WDR87: variants seen among roughly 807,000 people sequenced by gnomAD.
WDR87 encodes WD repeat domain 87.
Under a neutral mutation model 83.3 loss-of-function variants are expected in WDR87, and 56 were observed. The observed-to-expected ratio is 0.67, with a 90% CI of 0.54 to 0.84. The LOEUF is 0.84. Ranked by LOEUF, WDR87 falls within the 40% of genes least tolerant of loss-of-function variation. The probability of loss-of-function intolerance (pLI) is 0.00; values close to 1 mark genes in which losing one functional copy is unlikely to be tolerated. For synonymous variants in WDR87, 1,173 were observed against 1,250.6 expected (o/e 0.94, Z 1.31); for missense variants, 2,939 against 3,431.9 (o/e 0.86, Z 3.59).
chr19:37,901,729 T>C (rs1246032421), intron 1 of WDR87, among the ~76,000 whole-genome samples: 1 of 152,018 alleles, frequency 6.6e-6, no homozygotes, highest in African/African-American at 2.4e-5. Context: ...GGTTTTTTTT[T>C]TTGAGACAGG....
Position 37,892,916 on chromosome 19 carries a change from C to T in WDR87, c.2787G>A (p.Met929Ile), listed in dbSNP as rs542706698. The change falls in exon 4 of 6, where the codon ATG becomes ATA. Residue 929 changes from methionine to isoleucine, a missense_variant. Met to Ile is a conservative substitution (Grantham distance 10, BLOSUM62 1). Transcript: ENST00000447313. ...NSMIETMLNI[M>I]VHASLLKYQC... ...GGTACTTCAGCAAGGAAGCATGGAC[C>T]ATAATATTGAGCATTGTCTCAATCA... The T allele has an allele frequency of 1.4e-4, 210 of 1,552,040 alleles. 1 individual carries two copies. The African/African-American group carries it at 2.7e-3, about 20-fold the overall frequency.
Position 37,893,727 on chromosome 19 carries a change from C to G in WDR87, c.1976G>C (p.Gly659Ala), listed in dbSNP as rs1421912297. The G allele has an allele frequency of 6.4e-7, 1 of 1,551,444 alleles. No homozygotes were observed. Among genetic ancestry groups the G allele is most frequent in the Non-Finnish European group, 8.7e-7 (1 of 1,147,046 alleles). The change falls in exon 4 of 6, where the codon GGT becomes GCT. Residue 659 changes from glycine (G) to alanine (A), a missense_variant. Coordinates refer to ENST00000447313, the MANE Select transcript of WDR87 (RefSeq NM_001291088.2). ...FGPVCFANDR[G>A]DLLVTFNQSL... The stretch of plus-strand genomic sequence containing the variant: ...CTGGTTAAAAGTCACAAGCAGGTCA[C>G]CCCGGTCATTTGCAAAACAGACTGG...
chr19:37,897,792 G>A (rs2046267701), intron 2 of WDR87, among the ~76,000 whole-genome samples: 1 of 152,132 alleles, frequency 6.6e-6, no homozygotes, highest in African/African-American at 2.4e-5. Context: ...GGCAGCTGAG[G>A]CAGGAGAATT....
chr19:37,893,882 A>G lies in WDR87; in HGVS notation c.1821T>C (p.Cys607=). 1 of 1,551,958 alleles carries G rather than the reference A, an allele frequency of 6.4e-7. No individual in the cohort carries two copies. Among genetic ancestry groups the G allele is most frequent in the Non-Finnish European group, 8.7e-7 (1 of 1,147,046 alleles). Residue 607 remains cysteine (C), a synonymous_variant, in exon 4 of 6, where the codon TGT becomes TGC. Transcript: ENST00000447313. Reference sequence around the variant, plus strand: ...GGCAGACATCAAAGGATGTGATGGCACACAGGTGCAGAGGCAGTGTTTCTA... The same window carrying G: ...GGCAGACATCAAAGGATGTGATGGCGCACAGGTGCAGAGGCAGTGTTTCTA... ...KFIETLPLHL[C]AITSFDVCLS...
Position 37,887,147 on chromosome 19 carries a change from T to G in WDR87, c.6524A>C (p.Glu2175Ala), listed in dbSNP as rs1424982571. ...TCTCTGCTTCCGAGCCAGTTTCTTC[T>G]CATCTTTAGTCAGTTCTGATCGTTT... Reference protein sequence around the residue: ...SEKRSELTKDEKKLARKQRKL... With the variant: ...SEKRSELTKDAKKLARKQRKL... The change falls in exon 6 of 6, where the codon GAG (glutamate) becomes GCG (alanine). Residue 2175 changes from glutamate to alanine, a missense_variant. Glu to Ala is a moderately radical substitution (Grantham distance 107). Transcript: ENST00000447313. 15 of 1,551,254 alleles carry G rather than the reference T, an allele frequency of 9.7e-6. No individual in the cohort carries two copies. Among genetic ancestry groups the G allele is most frequent in the Admixed American group, 3.9e-5 (2 of 50,950 alleles).
At chr19:37,891,969 A>G (rs770301766) in intron 4 of WDR87, 149 bp from the exon 5 acceptor site, 1 of 967,590 alleles carries the variant, frequency 1.0e-6, no homozygotes, top group East Asian at 2.6e-5. Flanking sequence ...GCTGAGACAA[A>G]AGAAACTATC....
In WDR87 at chr19:37,887,315, A is replaced by C; in HGVS notation, c.6356T>G (p.Leu2119Arg). The change falls in exon 6 of 6, where the codon CTT becomes CGT. Residue 2119 changes from leucine to arginine, a missense_variant. Physicochemically the swap from Leu to Arg is moderately radical, Grantham distance 102. Transcript: ENST00000447313. ...CCTTTCATCCCTGGTTAGTTTTTGA[A>C]GTGCCTTTAAGATTTTGTTCAGTTT... ...PAKLNKILKA[L>R]QKLTRDERKL... 1 of 1,551,276 alleles carries C rather than the reference A, an allele frequency of 6.4e-7. No individual in the cohort carries two copies. The highest frequency in any genetic ancestry group is 1.2e-5 in the South Asian group (1 of 83,968).
rs2046154639 is a variant in WDR87, at chr19:37,887,012, T to C, written c.6659A>G (p.Glu2220Gly). Residue 2220 changes from glutamate (E) to glycine (G), a missense_variant, in exon 6 of 6, where the codon GAA (glutamate) becomes GGA (glycine). Glu to Gly is a moderately conservative substitution (Grantham distance 98). Coordinates refer to ENST00000447313, the MANE Select transcript of WDR87 (RefSeq NM_001291088.2). ...HSEVILDDEE[E>G]GGIEEEEVIP... Reference sequence around the variant, plus strand: ...TACCTCTTCTTCTTCTATTCCTCCTTCCTCTTCATCATCCAGTATGACTTC... The same window carrying C: ...TACCTCTTCTTCTTCTATTCCTCCTCCCTCTTCATCATCCAGTATGACTTC... The C allele has an allele frequency of 2.1e-5, 32 of 1,551,960 alleles. No individual in the cohort carries two copies. The highest frequency in any genetic ancestry group is 2.8e-5 in the Non-Finnish European group (32 of 1,147,118).
At chr19:37,903,932 G>A (rs2046307332) in intron 1 of WDR87, among the ~76,000 whole-genome samples, 3 of 151,114 alleles carry the variant, frequency 2.0e-5, no homozygotes, top group African/African-American at 7.3e-5. Flanking sequence ...GTTTTGAGTC[G>A]GAGTCTCACT....
intron 3 of WDR87, among the ~76,000 whole-genome samples, 194 bp from the exon 4 acceptor site, chr19:37,895,650 C>G (rs1366146433): frequency 6.6e-6 from 1 of 151,200 alleles, no homozygotes; most frequent in African/African-American, 2.4e-5. Context: ...GCCTGTAATC[C>G]CAGCTACTCG....
rs1276958469 is a variant in WDR87 at position 37,887,486 on chromosome 19, A to G, written c.6185T>C (p.Ile2062Thr). The G allele has an allele frequency of 6.4e-7, 1 of 1,551,864 alleles. No individual in the cohort carries two copies. The change falls in exon 6 of 6, where the codon ATA becomes ACA. Residue 2062 changes from isoleucine to threonine, a missense_variant. Around this residue, in one of 3 missense-constraint regions of WDR87, gnomAD observed 2,160 missense variants for 2,533.1 expected, o/e 0.85. Transcript: ENST00000447313. ...AATTTCGCTTTCCTCCATGGCCAAT[A>G]TCCTGTCTTCATGTAGCAGTATCTT... Reference protein sequence around the residue: ...EEKILLHEDRILAMEESEIAK... With the variant: ...EEKILLHEDRTLAMEESEIAK...
rs1169951162 is a variant in WDR87, at chr19:37,889,415, T to C, written c.4256A>G (p.Asn1419Ser). The C allele has an allele frequency of 6.4e-7, 1 of 1,551,950 alleles. No individual in the cohort carries two copies. Among genetic ancestry groups the C allele is most frequent in the East Asian group, 2.4e-5 (1 of 40,926 alleles). ...TGATATTTCTTTTCCCATGGTTACA[T>C]TACCTGGTTCTAAAAAAATAACTTT... ...GKKVIFLEPG[N>S]VTMGKEISKK... The change falls in exon 6 of 6, where the codon AAT becomes AGT. Residue 1419 changes from asparagine to serine, a missense_variant. By Grantham distance (46) the Asn-to-Ser change is conservative. Coordinates refer to ENST00000447313, the MANE Select transcript of WDR87 (RefSeq NM_001291088.2).
rs960410216 is a variant in WDR87, at chr19:37,887,351, T to C, written c.6320A>G (p.Lys2107Arg). Residue 2107 changes from lysine (K) to arginine (R), a missense_variant, in exon 6 of 6, where the codon AAG becomes AGG. This residue lies in a region of WDR87 where 2,160 missense variants were observed against 2,533.1 expected (regional missense o/e 0.85). Transcript: ENST00000447313. ...GATTTTGTTCAGTTTTGCTGGTTCC[T>C]TGGAAAGGCTCTCCCTTTTTTTAAT... Reference protein sequence around the residue: ...KLIKKRESLSKEPAKLNKILK... With the variant: ...KLIKKRESLSREPAKLNKILK... The C allele has an allele frequency of 1.6e-5, 25 of 1,551,572 alleles. No homozygotes were observed. In the Admixed American group the frequency reaches 4.9e-4, roughly 30 times the overall value.
chr19:37,889,539 G>A lies in WDR87; in HGVS notation c.4132C>T (p.His1378Tyr), dbSNP rs184746840. The change falls in exon 6 of 6, where the codon CAC (histidine) becomes TAC (tyrosine). Residue 1378 changes from histidine (H) to tyrosine (Y), a missense_variant. His to Tyr is a moderately conservative substitution (Grantham distance 83). Transcript: ENST00000447313. ...TCTTCCCTTGGCATCACTTCCTTGTGTCTGATCACCTCTTGGGTCACACCT... is the reference window on the plus strand; with the variant it reads ...TCTTCCCTTGGCATCACTTCCTTGTATCTGATCACCTCTTGGGTCACACCT... ...IQGVTQEVIRHKEVMPREEEQ... is the reference protein window; with the variant it reads ...IQGVTQEVIRYKEVMPREEEQ... 1 of 1,551,682 alleles carries A rather than the reference G, an allele frequency of 6.4e-7. No individual in the cohort carries two copies. Among genetic ancestry groups the A allele is most frequent in the East Asian group, 2.4e-5 (1 of 40,912 alleles).
rs1568451309 is a variant in WDR87 at position 37,890,078 on chromosome 19, T to C, written c.3593A>G (p.Asp1198Gly). Residue 1198 changes from aspartate to glycine, a missense_variant, in exon 6 of 6, where the codon GAT becomes GGT. Asp to Gly is a moderately conservative substitution (Grantham distance 94). Around this residue, in one of 3 missense-constraint regions of WDR87, gnomAD observed 2,160 missense variants for 2,533.1 expected, o/e 0.85. Transcript: ENST00000447313. ...LSKDVDSQEK[D>G]ISKDHIALTL... is the part of the protein sequence containing the mutation. ...CAATGCAATGTGATCCTTCGAGATA[T>C]CTTTCTCTTGAGAATCAACATCTTT... The C allele has an allele frequency of 1.3e-6, 2 of 1,551,908 alleles. No individual in the cohort carries two copies. Among genetic ancestry groups the C allele is most frequent in the Non-Finnish European group, 1.7e-6 (2 of 1,147,040 alleles).
intron 1 of WDR87, among the ~76,000 whole-genome samples, chr19:37,899,500 A>G (rs1181630106): frequency 2.0e-5 from 3 of 151,784 alleles, no homozygotes; most frequent in Admixed American, 6.6e-5. Flanking sequence ...GTGCAGTGGT[A>G]CCATCATAGC....
rs150031842 is a variant in WDR87 at position 37,903,768 on chromosome 19, A to T, written c.-47+2731T>A. ...TGGTCTCAAACTCCTGGCCTCAAAG[A>T]ATCCACTTGCCTCAGCCTCCCAAAG... On this transcript the variant is annotated intron_variant, in intron 1 of 5. Transcript: ENST00000447313. 3.9e-3 allele frequency among the ~76,000 whole-genome samples: 591 copies of T among 152,070 alleles called. 2 individuals are homozygous for T. Among genetic ancestry groups the T allele is most frequent in the African/African-American group, 0.014 (568 of 41,458 alleles).
At position 37,885,668 on chromosome 19, in the gene WDR87, T is replaced by C; in HGVS notation, c.8003A>G (p.Lys2668Arg). 1.3e-6 allele frequency: 2 copies of C among 1,551,822 alleles called. No homozygotes were observed. The highest frequency in any genetic ancestry group is 2.4e-5 in the East Asian group (1 of 40,924). The change falls in exon 6 of 6, where the codon AAG becomes AGG. Residue 2668 changes from lysine to arginine, a missense_variant. Transcript: ENST00000447313. ...VPTQKSPLAT[K>R]RIPDPRAKNW... ...TTTAGCCCTTGGGTCTGGAATCCTCTTGGTAGCTAATGGGGACTTTTGTGT... is the reference window on the plus strand; with the variant it reads ...TTTAGCCCTTGGGTCTGGAATCCTCCTGGTAGCTAATGGGGACTTTTGTGT...
Position 37,888,571 on chromosome 19 carries a change from T to A in WDR87, c.5100A>T (p.Lys1700Asn). Residue 1700 changes from lysine (K) to asparagine (N), a missense_variant, in exon 6 of 6, where the codon AAA becomes AAT. Lys to Asn is a moderately conservative substitution (Grantham distance 94). Coordinates refer to ENST00000447313, the MANE Select transcript of WDR87 (RefSeq NM_001291088.2). ...CCCATTTCTTGGCCAGTTTCTTCCT[T>A]TTCTGGGCCAATTTCTCCGCCTCCT... ...LSQEAEKLAQ[K>N]RKKLAKKWEK... 6.4e-7 allele frequency: 1 copy of A among 1,551,892 alleles called. No individual in the cohort carries two copies. The highest frequency in any genetic ancestry group is 8.7e-7 in the Non-Finnish European group (1 of 1,147,036).
Sources: allele counts gnomAD v4.1 joint callset (sites outside exome capture counted in the v4.1 genomes callset), GRCh38; gene constraint gnomAD v4.1.1; regional missense constraint gnomAD v4.1.1; transcripts MANE v1.5; gene names NCBI Gene and HGNC (gene_info 2026-07-23, HGNC 2026-07-21).